The following SZRD1 variants were observed in gnomAD, a reference collection of about 807,000 sequenced individuals.
SZRD1 encodes SUZ RNA-binding domain-containing.
SZRD1 carries 7 observed loss-of-function variants against 17.6 expected under a neutral mutation model. The observed-to-expected ratio is 0.40, with a 90% CI of 0.23 to 0.75. The LOEUF (loss-of-function observed/expected upper bound fraction) is 0.75. Among genes scored for constraint, SZRD1 ranks in the 30% least tolerant of loss-of-function variants. The pLI, the probability that SZRD1 is intolerant of heterozygous loss-of-function variation, is 0.38. For missense variants in SZRD1, 178 were observed against 201.8 expected (o/e 0.88, Z 0.71); for synonymous variants, 77 against 77.9 (o/e 0.99, Z 0.06).
chr1:16,381,831 T>C (rs1307025432), intron 1 of SZRD1, among the ~76,000 whole-genome samples: 1 of 145,762 alleles, frequency 6.9e-6, no homozygotes, highest in Non-Finnish European at 1.5e-5. Context: ...ACTCAGAAGG[T>C]TGAGGCAGGT....
chr1:16,382,703 T>C (rs1479025430), intron 1 of SZRD1, among the ~76,000 whole-genome samples: 4 of 150,576 alleles, frequency 2.7e-5, no homozygotes, highest in Admixed American at 6.6e-5. Context: ...CCATGTTGGC[T>C]ATGCTGGTCT....
At chr1:16,368,217 G>A (rs1323092019) in intron 1 of SZRD1, among the ~76,000 whole-genome samples, 1 of 151,840 alleles carries the variant, frequency 6.6e-6, no homozygotes, top group Non-Finnish European at 1.5e-5. Context: ...ATGGGGAGAT[G>A]CTTTTTTTGT....
At chr1:16,371,941 A>T (rs2082922159) in intron 1 of SZRD1, among the ~76,000 whole-genome samples, 1 of 152,090 alleles carries the variant, frequency 6.6e-6, no homozygotes, top group South Asian at 2.1e-4. Flanking sequence ...TATTGCCCAG[A>T]CTGGAAGAAT....
intron 1 of SZRD1, among the ~76,000 whole-genome samples, chr1:16,389,451 C>T (rs1253208420): frequency 1.4e-5 from 2 of 144,266 alleles, no homozygotes; most frequent in African/African-American, 2.6e-5. Context: ...TACAGGCGCC[C>T]GCCACAACGC....
intron 1 of SZRD1, among the ~76,000 whole-genome samples, chr1:16,382,939 T>C (rs6603860): frequency 0.72 from 108,360 of 151,226 alleles, 39,196 homozygotes; most frequent in East Asian, 0.86. Flanking sequence ...AATCTCAGCT[T>C]ACTGCAACCT....
Position 16,395,031 on chromosome 1 carries a change from C to A in SZRD1, c.357-7C>A. The A allele has an allele frequency of 1.3e-6, 2 of 1,579,714 alleles. No homozygotes were observed. Among genetic ancestry groups the A allele is most frequent in the African/African-American group, 1.3e-5 (1 of 74,270 alleles). Reference sequence around the variant, plus strand: ...TTCAGGCCTTCCTCTGCTTTTCTTCCTTTCAGGCCAACCAGGATCTCCCAA... The same window carrying A: ...TTCAGGCCTTCCTCTGCTTTTCTTCATTTCAGGCCAACCAGGATCTCCCAA... On this transcript the variant is annotated splice_polypyrimidine_tract_variant and splice_region_variant and intron_variant, in intron 3 of 3. Coordinates refer to ENST00000401088, the MANE Select transcript of SZRD1 (RefSeq NM_001114600.3).
intron 1 of SZRD1, among the ~76,000 whole-genome samples, chr1:16,368,355 G>C (rs922852831): frequency 6.6e-6 from 1 of 152,074 alleles, no homozygotes; most frequent in Non-Finnish European, 1.5e-5. Flanking sequence ...GCTTTTTGGG[G>C]GTGCTTATGA....
intron 1 of SZRD1, among the ~76,000 whole-genome samples, chr1:16,381,154 C>T (rs546263732): frequency 1.3e-4 from 19 of 148,410 alleles, no homozygotes; most frequent in South Asian, 4.3e-4. Context: ...CTCAGGAGGC[C>T]GAGGCCGAAG....
intron 1 of SZRD1, among the ~76,000 whole-genome samples, chr1:16,383,459 A>G (rs1021266932): frequency 6.6e-5 from 10 of 151,412 alleles, no homozygotes; most frequent in Non-Finnish European, 1.0e-4. Context: ...GTTTCAAGCA[A>G]TTCTCCTCTT....
chr1:16,381,095 A>G (rs2083092661), intron 1 of SZRD1, among the ~76,000 whole-genome samples: 1 of 151,422 alleles, frequency 6.6e-6, no homozygotes, highest in South Asian at 2.1e-4. Flanking sequence ...TAAAAAAAAA[A>G]AAAAAAAAAC....
intron 1 of SZRD1, among the ~76,000 whole-genome samples, chr1:16,373,207 C>T (rs1265067872): frequency 6.8e-6 from 1 of 146,200 alleles, no homozygotes; most frequent in Admixed American, 6.9e-5. Context: ...TGAACTTTGT[C>T]CTGAAAGTGC....
intron 1 of SZRD1, among the ~76,000 whole-genome samples, chr1:16,374,481 G>A (rs2082965850): frequency 6.6e-6 from 1 of 152,256 alleles, no homozygotes; most frequent in African/African-American, 2.4e-5. Context: ...CAAGAGAGCT[G>A]CCATGGTTGC....
chr1:16,369,558 T>C, intron 1 of SZRD1: 1 of 697,198 alleles, frequency 1.4e-6, no homozygotes. Flanking sequence ...AAAGCCAGAG[T>C]TCTTTCTGCT....
intron 1 of SZRD1, among the ~76,000 whole-genome samples, chr1:16,377,174 A>AAT (rs2083018707): frequency 6.6e-6 from 1 of 152,100 alleles, no homozygotes; most frequent in Admixed American, 6.6e-5. Context: ...CTGGGATTTG[A>AAT]TGAGGGCACC....
At position 16,395,763 on chromosome 1, in the gene SZRD1, T is replaced by G. The variant is rs2085300379; in HGVS notation, c.*623T>G. 6.4e-6 allele frequency: 1 copy of G among 155,830 alleles called. No individual in the cohort carries two copies. Among genetic ancestry groups the G allele is most frequent in the South Asian group, 1.9e-4 (1 of 5,172 alleles). 9.7% of individuals were successfully genotyped at this position (155,830 alleles called of 1,614,324 possible). ...TTTCTGGGAAATTCACTAGAAACAT[T>G]AACCAATAGGATTTTGGTGAGCTTA... On this transcript the variant is annotated 3_prime_UTR_variant, in exon 4 of 4. Coordinates refer to ENST00000401088, the MANE Select transcript of SZRD1 (RefSeq NM_001114600.3).
chr1:16,382,486 C>G (rs1338666834), intron 1 of SZRD1, among the ~76,000 whole-genome samples: 1 of 147,194 alleles, frequency 6.8e-6, no homozygotes, highest in Non-Finnish European at 1.5e-5. Flanking sequence ...CTGCGCCTGG[C>G]CACATGGTTT....
At chr1:16,387,215 A>G (rs745862222) in intron 1 of SZRD1, 6 of 438,048 alleles carry the variant, frequency 1.4e-5, no homozygotes, top group Non-Finnish European at 2.3e-5. Flanking sequence ...TTACTCAGAC[A>G]TGGCCTACGA....
At chr1:16,379,841 A>G (rs934447581) in intron 1 of SZRD1, among the ~76,000 whole-genome samples, 1 of 150,204 alleles carries the variant, frequency 6.7e-6, no homozygotes, top group Non-Finnish European at 1.5e-5. Context: ...GCTCACTGCA[A>G]CCTTTGCCTC....
intron 1 of SZRD1, among the ~76,000 whole-genome samples, chr1:16,374,916 C>T (rs1007450911): frequency 6.6e-6 from 1 of 152,112 alleles, no homozygotes; most frequent in African/African-American, 2.4e-5. Flanking sequence ...CTAGCTCTGT[C>T]GCCGAGGCTG....
Sources: gnomAD v4.1 joint callset for allele counts (sites outside exome capture counted in the v4.1 genomes callset) on GRCh38, gnomAD v4.1.1 for gene constraint, MANE v1.5 for transcripts, NCBI Gene and HGNC (gene_info 2026-07-23, HGNC 2026-07-21) for gene names.